EPB41L1: variants seen among roughly 807,000 people sequenced by gnomAD.
The protein encoded by EPB41L1 is erythrocyte membrane protein band 4.1 like 1.
Under a neutral mutation model 97.8 loss-of-function variants are expected in EPB41L1, and 29 were observed. That is an observed-to-expected ratio of 0.30 (90% CI 0.22 to 0.40). EPB41L1 has a LOEUF of 0.40. Among genes scored for constraint, EPB41L1 ranks in the 10% least tolerant of loss-of-function variants. The pLI, the probability that EPB41L1 is intolerant of heterozygous loss-of-function variation, is 1.00. For synonymous variants in EPB41L1, 383 were observed against 459.2 expected (o/e 0.83, Z 2.12); for missense variants, 812 against 1,162.3 (o/e 0.70, Z 4.38).
intron 14 of EPB41L1, among the ~76,000 whole-genome samples, chr20:36,204,164 A>G (rs1445175872): frequency 6.6e-6 from 1 of 152,124 alleles, no homozygotes; most frequent in Admixed American, 6.6e-5. Context: ...ATGCTTCTCC[A>G]GGTCTGAGTT....
chr20:36,212,154 G>C lies in EPB41L1; in HGVS notation c.2080-118G>C. The C allele has an allele frequency of 1.1e-6, 1 of 948,808 alleles. No individual in the cohort carries two copies. Among genetic ancestry groups the C allele is most frequent in the African/African-American group, 1.6e-5 (1 of 62,312 alleles). 58.8% of individuals were successfully genotyped at this position (948,808 alleles called of 1,614,324 possible). A position where few individuals can be genotyped will look rare whatever the true frequency, so the allele number is the denominator to read the frequency against. ...TTACCCTGTCCAGAGTACCCTTCCAGAGATGTGGCCAGCTGTGGGGATAGG... is the reference window on the plus strand; with the variant it reads ...TTACCCTGTCCAGAGTACCCTTCCACAGATGTGGCCAGCTGTGGGGATAGG... On this transcript the variant is annotated intron_variant, in intron 15 of 21. Transcript: ENST00000338074. This position sits in a 1 kb window ranked among gnomAD's most constrained non-coding sequence, Gnocchi z 4.8.
intron 17 of EPB41L1, among the ~76,000 whole-genome samples, chr20:36,214,837 C>G (rs561859154): frequency 6.6e-6 from 1 of 152,112 alleles, no homozygotes; most frequent in African/African-American, 2.4e-5. Context: ...CACATTGTCT[C>G]ATGCCTTAGA....
chr20:36,192,692 A>G (rs1349230053), intron 11 of EPB41L1, among the ~76,000 whole-genome samples: 1 of 152,156 alleles, frequency 6.6e-6, no homozygotes, highest in African/African-American at 2.4e-5. Context: ...TCCTGGGTAT[A>G]GTATTTAGAG....
intron 2 of EPB41L1, among the ~76,000 whole-genome samples, chr20:36,125,867 GCTT>G (rs2147712744): frequency 6.6e-6 from 1 of 152,168 alleles, no homozygotes; most frequent in South Asian, 2.1e-4. Flanking sequence ...GAAGTGATGG[GCTT>G]CATCTCAGGC....
At position 36,195,425 on chromosome 20, in the gene EPB41L1, C is replaced by T. The variant is rs1680773597; in HGVS notation, c.1485+61C>T. On this transcript the variant is annotated intron_variant, in intron 13 of 21. Coordinates refer to ENST00000338074, the MANE Select transcript of EPB41L1 (RefSeq NM_012156.2). This position sits in a 1 kb window ranked among gnomAD's most constrained non-coding sequence, Gnocchi z 4.6. ...TTCCCATCCCTAGCTCATTTGTCAC[C>T]ATCCCACAGTCCATCCCAGGCTCAC... 1 of 1,585,428 alleles carries T rather than the reference C, an allele frequency of 6.3e-7. No individual in the cohort carries two copies.
Position 36,206,261 on chromosome 20 carries a change from C to T in EPB41L1, c.1669-3227C>T, listed in dbSNP as rs746718271. 2.2e-5 allele frequency: 29 copies of T among 1,289,744 alleles called. No individual in the cohort carries two copies. The highest frequency in any genetic ancestry group is 1.7e-4 in the East Asian group (3 of 18,022). The allele number at this position is 1,289,744 out of a possible 1,614,324, so 79.9% of individuals were successfully genotyped here. The stretch of plus-strand genomic sequence containing the variant: ...AACCGCTGCATGTCAGATGGTCAGC[C>T]GGAGGGCCAGACAGAGCTGAGGAAG... On this transcript the variant is annotated intron_variant, in intron 14 of 21. Transcript: ENST00000338074. This position sits in a 1 kb window ranked among gnomAD's most constrained non-coding sequence, Gnocchi z 5.5.
At chr20:36,158,547 T>C (rs1171132457) in intron 1 of EPB41L1, among the ~76,000 whole-genome samples, 1 of 152,096 alleles carries the variant, frequency 6.6e-6, no homozygotes, top group Non-Finnish European at 1.5e-5. Context: ...GTGGAACAGA[T>C]AGTGTGTGTG....
intron 21 of EPB41L1, among the ~76,000 whole-genome samples, chr20:36,226,661 C>T (rs6119709): frequency 0.014 from 2,147 of 152,266 alleles, 39 homozygotes; most frequent in African/African-American, 0.048. Context: ...ATCGCGAGTG[C>T]TTAATAAAAG....
chr20:36,198,251 G>A (rs551709115), intron 14 of EPB41L1, among the ~76,000 whole-genome samples: 2 of 152,244 alleles, frequency 1.3e-5, no homozygotes, highest in African/African-American at 4.8e-5. Flanking sequence ...CTTAAAACAT[G>A]AAAAACTCAA....
At chr20:36,125,576 T>C (rs979917226) in intron 2 of EPB41L1, 1 of 1,533,628 alleles carries the variant, frequency 6.5e-7, no homozygotes, top group African/African-American at 1.4e-5. Flanking sequence ...AAAGGTAGAT[T>C]GAACCACAAG....
At chr20:36,095,957 C>T (rs921506557) in intron 1 of EPB41L1, among the ~76,000 whole-genome samples, 4 of 150,976 alleles carry the variant, frequency 2.6e-5, no homozygotes, top group Non-Finnish European at 5.9e-5. Context: ...ACCCAGGAGG[C>T]GGAGGTTGCA....
intron 2 of EPB41L1, among the ~76,000 whole-genome samples, chr20:36,118,934 C>A (rs1264182768): frequency 6.6e-6 from 1 of 152,132 alleles, no homozygotes; most frequent in East Asian, 1.9e-4. Context: ...AATGACTTAC[C>A]TAGGGCAATT....
intron 1 of EPB41L1, among the ~76,000 whole-genome samples, chr20:36,169,889 G>A (rs537764632): frequency 9.4e-4 from 143 of 152,300 alleles, no homozygotes; most frequent in African/African-American, 3.4e-3. Context: ...TCCTGGGTGA[G>A]CATCCTCTTC....
At position 36,227,852 on chromosome 20, in the gene EPB41L1, C is replaced by T. The variant is rs76196652; in HGVS notation, c.2638-1480C>T. Among the ~76,000 whole-genome samples, 1,186 of 152,306 alleles carry T rather than the reference C, an allele frequency of 7.8e-3. 10 individuals are homozygous for T. The highest frequency in any genetic ancestry group is 0.027 in the African/African-American group (1,139 of 41,572). The stretch of plus-strand genomic sequence containing the variant: ...TCTCCCTGCAACCTTGCAGGTCAGA[C>T]GTCTGGTTTCTGCTCCATCTTCTCC... On this transcript the variant is annotated intron_variant, in intron 21 of 21. Transcript: ENST00000338074.
rs533575613 is a variant in EPB41L1 at position 36,225,737 on chromosome 20, C to T, written c.2637+3343C>T. Among the ~76,000 whole-genome samples, 9 of 152,192 alleles carry T rather than the reference C, an allele frequency of 5.9e-5. No homozygotes were observed. The South Asian group carries it at 6.2e-4, about 11-fold the overall frequency. ...CTCTTCTCCATTCCCTCTCTCACGC[C>T]TCCTCATCTTTCCCAGGGCATTCAG... On this transcript the variant is annotated intron_variant, in intron 21 of 21. Transcript: ENST00000338074.
rs1252852172 is a variant in EPB41L1, at chr20:36,209,353, C to CGGGA, written c.1669-135_1669-134insGGGA. The CGGGA allele has an allele frequency of 4.7e-5, 30 of 639,896 alleles. No homozygotes were observed. In the African/African-American group the frequency reaches 5.9e-4, roughly 13 times the overall value. 39.6% of individuals were successfully genotyped at this position (639,896 alleles called of 1,614,324 possible). A position where few individuals can be genotyped will look rare whatever the true frequency, so the allele number is the denominator to read the frequency against. On this transcript the variant is annotated intron_variant, in intron 14 of 21. Coordinates refer to ENST00000338074, the MANE Select transcript of EPB41L1 (RefSeq NM_012156.2). The surrounding 1 kb of genome is among the most constrained non-coding windows in gnomAD (Gnocchi z 4.2). ...AAGGAACCTTTCCTGGGGTGTTTTTCATTTCCTGGCCTGCTCTTCCATTCA... is the reference window on the plus strand; with the variant it reads ...AAGGAACCTTTCCTGGGGTGTTTTTCGGGAATTTCCTGGCCTGCTCTTCCATTCA...
chr20:36,212,361 T>A lies in EPB41L1; in HGVS notation c.2169T>A (p.Ala723=), dbSNP rs772476665. 53 of 1,614,058 alleles carry A rather than the reference T, an allele frequency of 3.3e-5. No homozygotes were observed. The highest frequency in any genetic ancestry group is 3.9e-5 in the Non-Finnish European group (46 of 1,180,004). ...PEAVLQTRVS[A]MDNTQQVDGS... ...CCGTACTGCAGACCAGAGTCTCCGC[T>A]ATGGATAACACCCAGGTAACTTGTG... The change falls in exon 16 of 22, where the codon GCT becomes GCA. Residue 723 remains alanine (A), a synonymous_variant. Transcript: ENST00000338074. This position sits in a 1 kb window ranked among gnomAD's most constrained non-coding sequence, Gnocchi z 4.8.
intron 1 of EPB41L1, among the ~76,000 whole-genome samples, chr20:36,097,332 T>G (rs1421947258): frequency 6.6e-6 from 1 of 152,188 alleles, no homozygotes; most frequent in African/African-American, 2.4e-5. Flanking sequence ...GGCAAGTGAT[T>G]CCATTTCCTC....
intron 1 of EPB41L1, among the ~76,000 whole-genome samples, chr20:36,103,908 G>A (rs1047956498): frequency 6.6e-6 from 1 of 151,980 alleles, no homozygotes; most frequent in Non-Finnish European, 1.5e-5. Flanking sequence ...GTTTCACCGT[G>A]TTAGCCAGGA....
Sources: gnomAD v4.1 joint callset for allele counts (sites outside exome capture counted in the v4.1 genomes callset) on GRCh38, gnomAD v4.1.1 for gene constraint, Gnocchi (gnomAD v3.1) non-coding constraint, MANE v1.5 for transcripts, NCBI Gene and HGNC (gene_info 2026-07-23, HGNC 2026-07-21) for gene names.